The following IST1 variants were observed in gnomAD, a reference collection of about 807,000 sequenced individuals.
IST1 encodes IST1 homolog.
In IST1, 23 loss-of-function variants were observed where a neutral mutation model predicts 37.0. The observed-to-expected ratio is 0.62, with a 90% CI of 0.45 to 0.88. The LOEUF (loss-of-function observed/expected upper bound fraction) is 0.88, where lower values mean the gene tolerates loss of function less well. Among genes scored for constraint, IST1 ranks in the 40% least tolerant of loss-of-function variants. The pLI, the probability that IST1 is intolerant of heterozygous loss-of-function variation, is 0.00. For missense variants in IST1, 488 were observed against 445.4 expected, an observed-to-expected ratio of 1.10 and a Z score of -0.86; for synonymous variants, 180 against 161.7, an observed-to-expected ratio of 1.11 and a Z score of -0.86.
intron 1 of IST1, among the ~76,000 whole-genome samples, chr16:71,907,260 CTT>C: frequency 6.9e-6 from 1 of 145,504 alleles, no homozygotes; most frequent in Non-Finnish European, 1.5e-5. Context: ...TAAAAATACT[CTT>C]TCTCCTATCC....
intron 5 of IST1, 99 bp from the exon 6 acceptor site, chr16:71,921,244 T>TA (rs1351486073): frequency 1.3e-6 from 1 of 747,884 alleles, no homozygotes; most frequent in Non-Finnish European, 2.4e-6. Flanking sequence ...TTTCCCTCAA[T>TA]ATTACCTGTA....
chr16:71,907,974 C>G (rs1035523266), intron 1 of IST1, among the ~76,000 whole-genome samples: 10 of 152,060 alleles, frequency 6.6e-5, no homozygotes, highest in Admixed American at 1.3e-4. Flanking sequence ...GAGACGGAGT[C>G]TCGCTCTGTT....
At chr16:71,901,269 A>G (rs1165818659) in intron 1 of IST1, among the ~76,000 whole-genome samples, 1 of 151,976 alleles carries the variant, frequency 6.6e-6, no homozygotes, top group East Asian at 1.9e-4. Flanking sequence ...GCTGGAGTGC[A>G]GTAGCACGAT....
intron 1 of IST1, among the ~76,000 whole-genome samples, chr16:71,912,301 G>C (rs1251670213): frequency 6.6e-6 from 1 of 151,854 alleles, no homozygotes. Flanking sequence ...GCGGTGGCGC[G>C]GTCTCAGCTT....
intron 1 of IST1, among the ~76,000 whole-genome samples, chr16:71,905,340 A>G (rs897646161): frequency 2.0e-5 from 3 of 148,304 alleles, no homozygotes; most frequent in African/African-American, 7.5e-5. Context: ...GGCCGTATAC[A>G]ATTTTTTAGT....
intron 8 of IST1, 38 bp downstream of exon 8, chr16:71,923,418 T>G (rs375376923): frequency 7.7e-7 from 1 of 1,297,392 alleles, no homozygotes; most frequent in East Asian, 2.3e-5. Context: ...AACAGGAGAG[T>G]GAATGCCATG....
chr16:71,910,876 T>C (rs898806828), intron 1 of IST1, among the ~76,000 whole-genome samples: 2 of 152,148 alleles, frequency 1.3e-5, no homozygotes, highest in Non-Finnish European at 2.9e-5. Context: ...GTTAACACCA[T>C]TAAAATGTTA....
chr16:71,896,975 G>GA (rs34791226), intron 1 of IST1, among the ~76,000 whole-genome samples: 115,823 of 146,756 alleles, frequency 0.79, 45,861 homozygotes, highest in East Asian at 0.97. Context: ...TGTAAAAAAA[G>GA]AAAAAAAAAA....
intron 1 of IST1, among the ~76,000 whole-genome samples, chr16:71,912,333 G>A (rs1399242196): frequency 1.3e-5 from 2 of 152,072 alleles, no homozygotes; most frequent in African/African-American, 4.8e-5. Flanking sequence ...CGCCTCCTGG[G>A]TTCACGCCAT....
intron 1 of IST1, among the ~76,000 whole-genome samples, chr16:71,901,833 A>G (rs1212566284): frequency 6.6e-6 from 1 of 152,224 alleles, no homozygotes; most frequent in Non-Finnish European, 1.5e-5. Context: ...TTTGTACAAA[A>G]CACTGTGCTA....
In IST1 at chr16:71,911,441, G is replaced by A. The variant is rs1201030723; in HGVS notation, c.-15-4185G>A. Among the ~76,000 whole-genome samples the A allele has an allele frequency of 4.6e-5, 7 of 152,106 alleles. No individual in the cohort carries two copies. The East Asian group carries it at 1.2e-3, about 25-fold the overall frequency. ...CCAGACACTCCGGAGGCTGAGGCAAGAGAATTGCTTGAACTTGGGAGGCAG... is the reference window on the plus strand; with the variant it reads ...CCAGACACTCCGGAGGCTGAGGCAAAAGAATTGCTTGAACTTGGGAGGCAG... On this transcript the variant is annotated intron_variant, in intron 1 of 9. Transcript: ENST00000378799.
chr16:71,926,030 C>T (rs561529680), intron 9 of IST1, among the ~76,000 whole-genome samples: 61 of 151,976 alleles, frequency 4.0e-4, no homozygotes, highest in Non-Finnish European at 6.8e-4. Flanking sequence ...CCCTGTAATC[C>T]CAGCACCTTG....
chr16:71,909,122 A>G (rs1296606349), intron 1 of IST1, among the ~76,000 whole-genome samples: 10 of 120,626 alleles, frequency 8.3e-5, no homozygotes, highest in Non-Finnish European at 1.5e-4. Context: ...TTTTGGATAC[A>G]GGGTCTCACT....
At chr16:71,896,203 C>T (rs894613679) in intron 1 of IST1, among the ~76,000 whole-genome samples, 8 of 152,056 alleles carry the variant, frequency 5.3e-5, no homozygotes, top group Non-Finnish European at 1.2e-4. Context: ...TGGAAGGATC[C>T]TTGCGCCTCT....
chr16:71,916,617 C>G lies in IST1; in HGVS notation c.244C>G (p.Arg82Gly), dbSNP rs769765817. The G allele has an allele frequency of 1.9e-6, 3 of 1,613,844 alleles. No individual in the cohort carries two copies. Among genetic ancestry groups the G allele is most frequent in the Admixed American group, 3.3e-5 (2 of 59,972 alleles). Residue 82 changes from arginine to glycine, a missense_variant, in exon 3 of 10, where the codon CGG becomes GGG. Arg to Gly is a moderately radical substitution (Grantham distance 125). This residue lies in a region of IST1 where 455 missense variants were observed against 386.2 expected (regional missense o/e 1.18). Transcript: ENST00000378799. ...GCTGTACTGTGACCTGCTGCTGGCT[C>G]GGTTTGGCCTTATCCAGTCTATGAA... Reference protein sequence around the residue: ...LELYCDLLLARFGLIQSMKEL... With the variant: ...LELYCDLLLAGFGLIQSMKEL...
chr16:71,927,888 A>C lies in IST1; in HGVS notation c.*75A>C. 2.1e-5 allele frequency: 22 copies of C among 1,051,820 alleles called. No homozygotes were observed. The highest frequency in any genetic ancestry group is 2.9e-5 in the Non-Finnish European group (20 of 685,640). The allele number at this position is 1,051,820 out of a possible 1,614,324, so 65.2% of individuals were successfully genotyped here. A position where few individuals can be genotyped will look rare whatever the true frequency, so the allele number is the denominator to read the frequency against. ...TTTCTCCTTGTAACAAAGAATCTCC[A>C]TGAAATTCTGTTTCATCTGTTAACC... is the stretch of plus-strand genomic sequence containing the variant. On this transcript the variant is annotated 3_prime_UTR_variant, in exon 10 of 10. Transcript: ENST00000378799.
At chr16:71,922,776 C>T in intron 7 of IST1, 96 bp downstream of exon 7, 1 of 988,812 alleles carries the variant, frequency 1.0e-6, no homozygotes, top group Non-Finnish European at 1.5e-6. Context: ...TTGTCAGGAG[C>T]CATTAGCAGT....
At chr16:71,894,763 C>G, upstream of IST1, 1 of 1,131,588 alleles carries the variant, frequency 8.8e-7, no homozygotes, top group Non-Finnish European at 1.3e-6. Context: ...CTGCAACTCC[C>G]GGGCTCAAGC....
chr16:71,915,296 G>T (rs180798285), intron 1 of IST1, among the ~76,000 whole-genome samples: 2 of 152,076 alleles, frequency 1.3e-5, no homozygotes, highest in Admixed American at 1.3e-4. Context: ...AATTTCATCT[G>T]TCACCAAATT....
Sources: gnomAD v4.1 joint callset for allele counts (sites outside exome capture counted in the v4.1 genomes callset) on GRCh38, gnomAD v4.1.1 for gene constraint, gnomAD v4.1.1 regional missense constraint, MANE v1.5 for transcripts, NCBI Gene and HGNC (gene_info 2026-07-23, HGNC 2026-07-21) for gene names.